The following ANKS1B variants were observed in gnomAD, a reference collection of about 807,000 sequenced individuals.
The protein encoded by ANKS1B is ankyrin repeat and sterile alpha motif domain-containing protein 1B.
A neutral mutation model predicts 148.3 loss-of-function variants in ANKS1B; 36 were observed. The ratio of observed to expected loss-of-function variants is 0.24; its 90% CI spans 0.19 to 0.32. ANKS1B has a LOEUF of 0.32. Among genes scored for constraint, ANKS1B ranks in the 10% least tolerant of loss-of-function variants. The pLI is 1.00. For synonymous variants in ANKS1B, 542 were observed against 560.8 expected (o/e 0.97, Z 0.47); for missense variants, 1,157 against 1,542.6 (o/e 0.75, Z 4.19).
Position 99,775,586 on chromosome 12 carries a change from A to G in ANKS1B, c.923T>C (p.Ile308Thr). Reference protein sequence around the residue: ...VQEDATQETHISSPVESPSQK... With the variant: ...VQEDATQETHTSSPVESPSQK... ...GGAAGGAGACTCAACAGGAGATGAAATGTGTGTTTCTTGTGTTGCATCTTC... is the reference window on the plus strand; with the variant it reads ...GGAAGGAGACTCAACAGGAGATGAAGTGTGTGTTTCTTGTGTTGCATCTTC... The change falls in exon 7 of 27, where the codon ATT (isoleucine) becomes ACT (threonine). Residue 308 changes from isoleucine (I) to threonine (T), a missense_variant. Ile to Thr is a moderately conservative substitution (Grantham distance 89). Coordinates refer to ENST00000683438, the MANE Select transcript of ANKS1B (RefSeq NM_001352186.2). 1 of 1,613,424 alleles carries G rather than the reference A, an allele frequency of 6.2e-7. No homozygotes were observed. Among genetic ancestry groups the G allele is most frequent in the Non-Finnish European group, 8.5e-7 (1 of 1,179,528 alleles).
At chr12:99,618,420 G>A (rs2098000052) in intron 9 of ANKS1B, among the ~76,000 whole-genome samples, 1 of 152,138 alleles carries the variant, frequency 6.6e-6, no homozygotes, top group South Asian at 2.1e-4. Flanking sequence ...TAACTTGGAA[G>A]TAGCATAAAA....
At position 99,015,694 on chromosome 12, in the gene ANKS1B, GT is replaced by G. The variant is rs1568372949; in HGVS notation, c.2778+37462del. 9.9e-5 allele frequency among the ~76,000 whole-genome samples: 15 copies of G among 152,142 alleles called. No individual in the cohort carries two copies. In the East Asian group the frequency reaches 2.9e-3, roughly 30 times the overall value. On this transcript the variant is annotated intron_variant, in intron 17 of 26. Coordinates refer to ENST00000683438, the MANE Select transcript of ANKS1B (RefSeq NM_001352186.2). ...ATCCTGGCTAACACGATGAAACACC[GT>G]CTCTATTAAAAATACAAAAAATTAG... is the stretch of plus-strand genomic sequence containing the variant.
rs192205173 is a variant in ANKS1B, at chr12:98,791,590, C to T, written c.3342+7344G>A. On this transcript the variant is annotated intron_variant, in intron 22 of 26. Coordinates refer to ENST00000683438, the MANE Select transcript of ANKS1B (RefSeq NM_001352186.2). ...AAGATGGGATCTGGCTATGTTGCCCCGGCTAGAATGCAGTGGCTGTTCACA... is the reference window on the plus strand; with the variant it reads ...AAGATGGGATCTGGCTATGTTGCCCTGGCTAGAATGCAGTGGCTGTTCACA... Among the ~76,000 whole-genome samples, 548 of 152,164 alleles carry T rather than the reference C, an allele frequency of 3.6e-3. 3 individuals carry two copies. The highest frequency in any genetic ancestry group is 0.012 in the African/African-American group (500 of 41,530).
intron 17 of ANKS1B, among the ~76,000 whole-genome samples, chr12:98,893,241 GAA>G (rs2099756413): frequency 6.6e-6 from 1 of 152,124 alleles, no homozygotes; most frequent in Non-Finnish European, 1.5e-5. Flanking sequence ...ACGACAGAAT[GAA>G]ACACTTCTGA....
intron 17 of ANKS1B, among the ~76,000 whole-genome samples, chr12:99,010,056 A>G (rs181412832): frequency 1.5e-4 from 23 of 152,228 alleles, no homozygotes; most frequent in African/African-American, 5.3e-4. Flanking sequence ...GAGGATCTCA[A>G]AAGTGATCTT....
chr12:98,901,163 G>T (rs1014606483), intron 17 of ANKS1B, among the ~76,000 whole-genome samples: 1 of 152,174 alleles, frequency 6.6e-6, no homozygotes, highest in Non-Finnish European at 1.5e-5. Flanking sequence ...TTTACAGAAC[G>T]AGTGAAAGAA....
chr12:99,397,254 C>T (rs1191129660), intron 12 of ANKS1B, among the ~76,000 whole-genome samples: 2 of 152,080 alleles, frequency 1.3e-5, no homozygotes, highest in Non-Finnish European at 2.9e-5. Flanking sequence ...CATGCATCAC[C>T]ACAGTACAGG....
At chr12:99,981,064 C>T (rs1490068862) in intron 1 of ANKS1B, among the ~76,000 whole-genome samples, 1 of 151,904 alleles carries the variant, frequency 6.6e-6, no homozygotes, top group Non-Finnish European at 1.5e-5. Context: ...ACTCCCAGTC[C>T]AATAGGAAGC....
chr12:99,795,770 T>A (rs1454682890), intron 4 of ANKS1B, among the ~76,000 whole-genome samples: 1 of 151,986 alleles, frequency 6.6e-6, no homozygotes, highest in African/African-American at 2.4e-5. Flanking sequence ...CCGAATGCCA[T>A]CAATCAGAAT....
chr12:99,476,299 G>A (rs1459166811), intron 10 of ANKS1B, among the ~76,000 whole-genome samples: 1 of 151,978 alleles, frequency 6.6e-6, no homozygotes, highest in Non-Finnish European at 1.5e-5. Flanking sequence ...AGGCTAAGGC[G>A]GGAGAATTGC....
chr12:98,853,769 A>G (rs1192650308), intron 17 of ANKS1B, among the ~76,000 whole-genome samples: 1 of 152,216 alleles, frequency 6.6e-6, no homozygotes, highest in Non-Finnish European at 1.5e-5. Context: ...ACCAGACTGT[A>G]GGCTTGAGGG....
chr12:99,295,975 G>A (rs569849743), intron 12 of ANKS1B, among the ~76,000 whole-genome samples: 6 of 152,102 alleles, frequency 3.9e-5, no homozygotes, highest in East Asian at 1.9e-4. Flanking sequence ...TAGAGTTTTC[G>A]GCTTTATATT....
At position 99,088,838 on chromosome 12, in the gene ANKS1B, G is replaced by GTTTTTTT; in HGVS notation, c.2527-3822_2527-3816dup. ...GCTAGCAAATCTCAGTTTAACTTCTGTTTTTTTTTTTTTTTTTTTTTTTTG... is the reference window on the plus strand; with the variant it reads ...GCTAGCAAATCTCAGTTTAACTTCTGTTTTTTTTTTTTTTTTTTTTTTTTTTTTTTTG... On this transcript the variant is annotated intron_variant, in intron 15 of 26. Coordinates refer to ENST00000683438, the MANE Select transcript of ANKS1B (RefSeq NM_001352186.2). 6.8e-3 allele frequency among the ~76,000 whole-genome samples: 478 copies of GTTTTTTT among 69,836 alleles called. 73 individuals carry two copies. The highest frequency in any genetic ancestry group is 0.018 in the African/African-American group (290 of 15,946). The allele number at this position is 69,836 out of a possible 152,430, so 45.8% of individuals were successfully genotyped here. A position where few individuals can be genotyped will look rare whatever the true frequency, so the allele number is the denominator to read the frequency against.
At chr12:98,965,184 G>T (rs1267296178) in intron 17 of ANKS1B, among the ~76,000 whole-genome samples, 1 of 152,074 alleles carries the variant, frequency 6.6e-6, no homozygotes, top group Non-Finnish European at 1.5e-5. Context: ...AGCAGACATT[G>T]TTCCAGGTGC....
intron 10 of ANKS1B, among the ~76,000 whole-genome samples, chr12:99,455,432 A>C (rs1382735206): frequency 6.6e-6 from 1 of 152,212 alleles, no homozygotes; most frequent in East Asian, 1.9e-4. Context: ...AAGCAGAGAA[A>C]ACCACAGACC....
chr12:98,889,912 C>T lies in ANKS1B; in HGVS notation c.2779-57776G>A, dbSNP rs548466628. ...TTGTGTCAAAAATGTAAAAGAGGAACGAGTTTCTGGGAGGTATTAGGAAGA... is the reference window on the plus strand; with the variant it reads ...TTGTGTCAAAAATGTAAAAGAGGAATGAGTTTCTGGGAGGTATTAGGAAGA... On this transcript the variant is annotated intron_variant, in intron 17 of 26. Coordinates refer to ENST00000683438, the MANE Select transcript of ANKS1B (RefSeq NM_001352186.2). 9.9e-5 allele frequency among the ~76,000 whole-genome samples: 15 copies of T among 151,980 alleles called. No homozygotes were observed. The South Asian group carries it at 1.9e-3, about 19-fold the overall frequency.
chr12:98,972,816 T>G (rs1383736413), intron 17 of ANKS1B, among the ~76,000 whole-genome samples: 1 of 152,184 alleles, frequency 6.6e-6, no homozygotes, highest in Admixed American at 6.5e-5. Context: ...TAAAATGCAG[T>G]CTAGACACCT....
intron 8 of ANKS1B, among the ~76,000 whole-genome samples, chr12:99,693,368 T>TA (rs371122084): frequency 2.6e-5 from 4 of 152,258 alleles, no homozygotes; most frequent in South Asian, 2.1e-4. Context: ...AATCTAAGTG[T>TA]AAAAAAACCA....
At chr12:99,203,583 T>C (rs566396808) in intron 14 of ANKS1B, among the ~76,000 whole-genome samples, 6 of 152,068 alleles carry the variant, frequency 3.9e-5, no homozygotes, top group Non-Finnish European at 8.8e-5. Flanking sequence ...CCCAAGTAGC[T>C]GGGACTACAG....
Sources: allele counts gnomAD v4.1 joint callset (sites outside exome capture counted in the v4.1 genomes callset), GRCh38; gene constraint gnomAD v4.1.1; transcripts MANE v1.5; gene names NCBI Gene and HGNC (gene_info 2026-07-23, HGNC 2026-07-21).